Variants in SLC66A1 observed in about 807,000 individuals in gnomAD.
The protein encoded by SLC66A1 is lysosomal amino acid transporter 1 homolog.
A neutral mutation model predicts 33.0 loss-of-function variants in SLC66A1; 23 were observed. The observed-to-expected ratio is 0.70, with a 90% CI of 0.50 to 0.99. The LOEUF (loss-of-function observed/expected upper bound fraction) is 0.99. Ranked by LOEUF, SLC66A1 falls within the 50% of genes least tolerant of loss-of-function variation. The probability of loss-of-function intolerance (pLI) is 0.00; values close to 1 mark genes in which losing one functional copy is unlikely to be tolerated. For missense variants in SLC66A1, 335 were observed against 383.6 expected (o/e 0.87, Z 1.06); for synonymous variants, 164 against 175.5 (o/e 0.93, Z 0.52).
In SLC66A1 at chr1:19,318,003, G is replaced by A. The variant is rs569067176; in HGVS notation, c.164+162G>A. Among the ~76,000 whole-genome samples, 6 of 152,310 alleles carry A rather than the reference G, an allele frequency of 3.9e-5. No homozygotes were observed. In the South Asian group the frequency reaches 1.2e-3, roughly 32 times the overall value. On this transcript the variant is annotated intron_variant, in intron 2 of 7. Coordinates refer to ENST00000375153, the MANE Select transcript of SLC66A1 (RefSeq NM_001040125.2). ...GGGACCTGCACTGATTGCTACCGCA[G>A]GTCAGACCTAGTGCTGGGCAGTGCT... is the stretch of plus-strand genomic sequence containing the variant.
chr1:19,323,172 C>T (rs2093846450), intron 2 of SLC66A1, among the ~76,000 whole-genome samples: 1 of 151,902 alleles, frequency 6.6e-6, no homozygotes. Context: ...AGCTACCACA[C>T]CCAGCCTCCA....
intron 2 of SLC66A1, among the ~76,000 whole-genome samples, chr1:19,320,816 G>T (rs1054140636): frequency 6.8e-6 from 1 of 147,048 alleles, no homozygotes; most frequent in Non-Finnish European, 1.5e-5. Context: ...GGGTTCAAGC[G>T]ATTCTCCTGC....
At chr1:19,331,287 C>T (rs2093891839), downstream of SLC66A1, among the ~76,000 whole-genome samples, 1 of 152,218 alleles carries the variant, frequency 6.6e-6, no homozygotes, top group South Asian at 2.1e-4. Context: ...GCTGGGATTA[C>T]AGGTGTGCCA....
chr1:19,328,149 C>T lies in SLC66A1; in HGVS notation c.805-423C>T, dbSNP rs975542939. 7 of 299,348 alleles carry T rather than the reference C, an allele frequency of 2.3e-5. No individual in the cohort carries two copies. Among genetic ancestry groups the T allele is most frequent in the South Asian group, 9.5e-5 (3 of 31,562 alleles). The allele number at this position is 299,348 out of a possible 1,614,324, so 18.5% of individuals were successfully genotyped here. A position where few individuals can be genotyped will look rare whatever the true frequency, so the allele number is the denominator to read the frequency against. On this transcript the variant is annotated intron_variant, in intron 7 of 7. Coordinates refer to ENST00000375153, the MANE Select transcript of SLC66A1 (RefSeq NM_001040125.2). The surrounding 1 kb of genome is among the most constrained non-coding windows in gnomAD (Gnocchi z 4.7). ...AAAGAGCGTTACCTGGGTCTCATTT[C>T]GGAGCAAGTAAACATGGCCTTTGTT...
chr1:19,325,776 G>A (rs57341527), intron 4 of SLC66A1, among the ~76,000 whole-genome samples, 194 bp downstream of exon 4: 12 of 152,208 alleles, frequency 7.9e-5, no homozygotes, highest in Admixed American at 3.9e-4. Flanking sequence ...AGGGCAGTGA[G>A]CGCGTCCTGG....
intron 2 of SLC66A1, among the ~76,000 whole-genome samples, chr1:19,320,439 A>T (rs1210435717): frequency 2.9e-5 from 3 of 104,892 alleles, no homozygotes; most frequent in East Asian, 2.6e-4. Context: ...TTTTTTTGAC[A>T]GTCTCGCTCT....
At chr1:19,327,099 G>T in intron 6 of SLC66A1, 128 bp from the exon 7 acceptor site, 1 of 980,134 alleles carries the variant, frequency 1.0e-6, no homozygotes, top group Non-Finnish European at 1.5e-6. Flanking sequence ...CCATATCCCT[G>T]GGCACCCAGG....
At position 19,325,646 on chromosome 1, in the gene SLC66A1, G is replaced by GGGGA. The variant is rs367800374; in HGVS notation, c.382+65_382+66insGGAG. On this transcript the variant is annotated intron_variant, in intron 4 of 7. Coordinates refer to ENST00000375153, the MANE Select transcript of SLC66A1 (RefSeq NM_001040125.2). ...GCAGCAGGGGGCAGTTGTGGGGGGG[G>GGGGA]GCGCCTGGAGTGTGGGAGGAAGCGG... 30 of 1,272,070 alleles carry GGGGA rather than the reference G, an allele frequency of 2.4e-5. No individual in the cohort carries two copies. In the African/African-American group the frequency reaches 4.2e-4, roughly 18 times the overall value. 78.8% of individuals were successfully genotyped at this position (1,272,070 alleles called of 1,614,324 possible).
chr1:19,319,621 T>TTTTTTTG (rs1343830305), intron 2 of SLC66A1, among the ~76,000 whole-genome samples: 1 of 149,082 alleles, frequency 6.7e-6, no homozygotes, highest in East Asian at 2.0e-4. Context: ...TTTTTTTTTT[T>TTTTTTTG]GCCTGGTGCA....
downstream of SLC66A1, among the ~76,000 whole-genome samples, chr1:19,330,743 G>A (rs1171708051): frequency 6.6e-6 from 1 of 152,278 alleles, no homozygotes; most frequent in East Asian, 1.9e-4. Context: ...AAGGTCCTGG[G>A]GCACACCCAG....
At position 19,326,406 on chromosome 1, in the gene SLC66A1, G is replaced by A. The variant is rs58790041; in HGVS notation, c.525+19G>A. 15,447 of 1,605,086 alleles carry A rather than the reference G, an allele frequency of 9.6e-3. 526 individuals carry two copies. The East Asian group carries it at 0.13, about 14-fold the overall frequency. On this transcript the variant is annotated intron_variant, in intron 5 of 7. Transcript: ENST00000375153. ...CAGCAAGGTGAGGCGTGGGCGTGGCGGTCGAAGGGATGGAGGCTGGCTCAT... is the reference window on the plus strand; with the variant it reads ...CAGCAAGGTGAGGCGTGGGCGTGGCAGTCGAAGGGATGGAGGCTGGCTCAT...
chr1:19,330,840 G>T (rs2152019988), downstream of SLC66A1, among the ~76,000 whole-genome samples: 1 of 152,288 alleles, frequency 6.6e-6, no homozygotes, highest in Admixed American at 6.5e-5. Context: ...CTGAGACCCA[G>T]GTGGGCAGAG....
intron 1 of SLC66A1, among the ~76,000 whole-genome samples, chr1:19,316,913 C>CTTTTTTTT (rs759496425): frequency 1.4e-4 from 10 of 71,518 alleles, no homozygotes; most frequent in East Asian, 3.6e-4. Flanking sequence ...TCTGTCACCT[C>CTTTTTTTT]TTTTTTTTTT....
intron 4 of SLC66A1, 64 bp downstream of exon 4, chr1:19,325,646 G>A (rs989223105): frequency 1.3e-5 from 16 of 1,271,950 alleles, no homozygotes; most frequent in African/African-American, 7.8e-5. Flanking sequence ...TGTGGGGGGG[G>A]GCGCCTGGAG....
chr1:19,328,685 G>A lies in SLC66A1; in HGVS notation c.*42G>A. 1 of 1,594,310 alleles carries A rather than the reference G, an allele frequency of 6.3e-7. No homozygotes were observed. Among genetic ancestry groups the A allele is most frequent in the Admixed American group, 1.7e-5 (1 of 59,348 alleles). ...CGCAGGAGGACAGGCACCACCGGAT[G>A]CCACACCAGGCAGGAGGAGGTGTGG... On this transcript the variant is annotated 3_prime_UTR_variant, in exon 8 of 8. Coordinates refer to ENST00000375153, the MANE Select transcript of SLC66A1 (RefSeq NM_001040125.2). The surrounding 1 kb of genome is among the most constrained non-coding windows in gnomAD (Gnocchi z 4.7).
downstream of SLC66A1, among the ~76,000 whole-genome samples, chr1:19,334,021 G>A (rs1232395822): frequency 6.6e-6 from 1 of 152,218 alleles, no homozygotes; most frequent in African/African-American, 2.4e-5. Flanking sequence ...CAGTTCAACT[G>A]ATAACTACTC....
intron 1 of SLC66A1, among the ~76,000 whole-genome samples, chr1:19,313,651 G>A (rs1036149573): frequency 6.6e-6 from 1 of 152,230 alleles, no homozygotes; most frequent in East Asian, 1.9e-4. Flanking sequence ...ACTTCTAGGG[G>A]AAGAGATGGC....
intron 7 of SLC66A1, chr1:19,327,922 C>A (rs1336261519): frequency 3.8e-6 from 1 of 266,308 alleles, no homozygotes; most frequent in East Asian, 9.8e-5. Context: ...TCAGACAAAC[C>A]TGGGTTCAAA....
intron 2 of SLC66A1, 73 bp from the exon 3 acceptor site, chr1:19,324,560 C>T (rs1006736681): frequency 2.7e-5 from 43 of 1,568,276 alleles, no homozygotes; most frequent in South Asian, 1.3e-4. Flanking sequence ...CTCCTCTGGG[C>T]GGTGTCCCCT....
Sources: allele counts gnomAD v4.1 joint callset (sites outside exome capture counted in the v4.1 genomes callset), GRCh38; gene constraint gnomAD v4.1.1; non-coding constraint Gnocchi (gnomAD v3.1); transcripts MANE v1.5; gene names NCBI Gene and HGNC (gene_info 2026-07-23, HGNC 2026-07-21).